Variants in GPCPD1 observed in about 807,000 individuals in gnomAD.
GPCPD1 encodes glycerophosphocholine phosphodiesterase GPCPD1.
In GPCPD1, 29 loss-of-function variants were observed where a neutral mutation model predicts 89.2. The ratio of observed to expected loss-of-function variants is 0.33; its 90% CI spans 0.24 to 0.44. The LOEUF (loss-of-function observed/expected upper bound fraction) is 0.44. Ranked by LOEUF, GPCPD1 falls within the 20% of genes least tolerant of loss-of-function variation. The pLI, the probability that GPCPD1 is intolerant of heterozygous loss-of-function variation, is 1.00. For synonymous variants in GPCPD1, 258 were observed against 266.3 expected (o/e 0.97, Z 0.30); for missense variants, 594 against 808.9 (o/e 0.73, Z 3.22).
rs11571 is a variant in GPCPD1 at position 5,544,989 on chromosome 20, T to A, written c.*2672A>T. The A allele has an allele frequency of 6.6e-6, 1 of 152,050 alleles. No homozygotes were observed. Among genetic ancestry groups the A allele is most frequent in the South Asian group, 2.1e-4 (1 of 4,824 alleles). The allele number at this position is 152,050 out of a possible 1,614,324, so 9.4% of individuals were successfully genotyped here. A position where few individuals can be genotyped will look rare whatever the true frequency, so the allele number is the denominator to read the frequency against. ...ACTTTCCACACAGGGGTGGGTGGTG[T>A]GCCTCACATTTACAGCCGATCATTT... On this transcript the variant is annotated 3_prime_UTR_variant, in exon 20 of 20. Transcript: ENST00000379019.
chr20:5,562,542 G>C (rs1284490817), intron 15 of GPCPD1, among the ~76,000 whole-genome samples: 1 of 152,148 alleles, frequency 6.6e-6, no homozygotes, highest in Non-Finnish European at 1.5e-5. Context: ...TTGGCCTCCA[G>C]AAGTGCTGGG....
At position 5,552,705 on chromosome 20, in the gene GPCPD1, C is replaced by T. The variant is rs1985496815; in HGVS notation, c.1830-4855G>A. On this transcript the variant is annotated intron_variant, in intron 19 of 19. Coordinates refer to ENST00000379019, the MANE Select transcript of GPCPD1 (RefSeq NM_019593.5). The stretch of plus-strand genomic sequence containing the variant: ...TGAAGAGCGCTATGCGTCACTCATG[C>T]TATTTCATGCAAAATTAACCAAATA... Among the ~76,000 whole-genome samples the T allele has an allele frequency of 2.6e-5, 4 of 152,292 alleles. No homozygotes were observed. The Middle Eastern group carries it at 0.01, about 389-fold the overall frequency.
chr20:5,598,306 T>C (rs1474107821), intron 3 of GPCPD1, among the ~76,000 whole-genome samples: 1 of 152,160 alleles, frequency 6.6e-6, no homozygotes, highest in African/African-American at 2.4e-5. Flanking sequence ...CTCAGGAGGC[T>C]GAGGCGCAAG....
At chr20:5,601,071 T>A (rs1397155627) in intron 2 of GPCPD1, among the ~76,000 whole-genome samples, 2 of 151,750 alleles carry the variant, frequency 1.3e-5, no homozygotes, top group African/African-American at 4.8e-5. Context: ...TTCCAGCTAC[T>A]CGGGAGGCTG....
At chr20:5,606,224 G>T (rs1215643639) in intron 1 of GPCPD1, among the ~76,000 whole-genome samples, 1 of 151,876 alleles carries the variant, frequency 6.6e-6, no homozygotes, top group African/African-American at 2.4e-5. Context: ...AATTTAAATG[G>T]AGAAAGAACA....
intron 6 of GPCPD1, among the ~76,000 whole-genome samples, chr20:5,583,164 C>T (rs1240463321): frequency 7.4e-6 from 1 of 134,638 alleles, no homozygotes; most frequent in Non-Finnish European, 1.5e-5. Context: ...GCAGAGAGTG[C>T]GGTGAGCCAA....
intron 6 of GPCPD1, among the ~76,000 whole-genome samples, chr20:5,580,894 GAT>G (rs796668540): frequency 9.5e-4 from 138 of 144,758 alleles, no homozygotes; most frequent in African/African-American, 3.4e-3. Context: ...TTTTTTTTGA[GAT>G]AGAGTCTTGC....
intron 16 of GPCPD1, among the ~76,000 whole-genome samples, chr20:5,560,700 C>T (rs1986034003): frequency 1.3e-5 from 2 of 152,186 alleles, no homozygotes; most frequent in African/African-American, 2.4e-5. Flanking sequence ...TGAGGACCAG[C>T]TTGTCACAAA....
intron 5 of GPCPD1, chr20:5,584,592 G>A (rs1023451595): frequency 1.8e-5 from 4 of 221,782 alleles, no homozygotes; most frequent in Non-Finnish European, 3.6e-5. Flanking sequence ...GTGCTCTAGA[G>A]GCACTGGGAT....
At chr20:5,576,062 G>T in intron 8 of GPCPD1, 84 bp from the exon 9 acceptor site, 2 of 502,054 alleles carry the variant, frequency 4.0e-6, no homozygotes, top group Non-Finnish European at 3.5e-6. Flanking sequence ...CACACACACA[G>T]ACACACACAC....
chr20:5,569,578 A>G (rs1174506111), intron 12 of GPCPD1, among the ~76,000 whole-genome samples: 1 of 151,500 alleles, frequency 6.6e-6, no homozygotes, highest in Non-Finnish European at 1.5e-5. Context: ...TGTAGCCCAC[A>G]TTGCTGCTCG....
intron 6 of GPCPD1, among the ~76,000 whole-genome samples, chr20:5,583,095 A>T (rs1978663056): frequency 6.6e-6 from 1 of 151,726 alleles, no homozygotes; most frequent in Non-Finnish European, 1.5e-5. Flanking sequence ...TTAGCTGGGC[A>T]TGCCTGTAAT....
intron 1 of GPCPD1, 123 bp from the exon 2 acceptor site, chr20:5,604,563 G>A (rs1322281494): frequency 9.6e-6 from 2 of 208,796 alleles, no homozygotes; most frequent in Non-Finnish European, 1.9e-5. Context: ...TGTCTTTGCA[G>A]TTTTATGGTG....
At chr20:5,564,920 C>T in intron 15 of GPCPD1, 97 bp downstream of exon 15, 2 of 726,790 alleles carry the variant, frequency 2.8e-6, no homozygotes, top group Non-Finnish European at 5.0e-6. Context: ...TTGTCTTTAA[C>T]ACAGCCTTTT....
chr20:5,569,275 A>C (rs1442986226), intron 12 of GPCPD1, among the ~76,000 whole-genome samples: 1 of 152,174 alleles, frequency 6.6e-6, no homozygotes, highest in Non-Finnish European at 1.5e-5. Context: ...TCTTTAATAC[A>C]ACAGACAGTA....
At chr20:5,600,207 T>A (rs1244191185) in intron 2 of GPCPD1, among the ~76,000 whole-genome samples, 1 of 152,220 alleles carries the variant, frequency 6.6e-6, no homozygotes, top group East Asian at 1.9e-4. Flanking sequence ...TAGCTTGGAC[T>A]ATCTAAAAAT....
intron 1 of GPCPD1, among the ~76,000 whole-genome samples, chr20:5,607,401 GCCAA>G: frequency 6.6e-6 from 1 of 151,984 alleles, no homozygotes; most frequent in East Asian, 1.9e-4. Flanking sequence ...GACCAGCCTG[GCCAA>G]CATCTCTACT....
intron 4 of GPCPD1, among the ~76,000 whole-genome samples, chr20:5,592,263 A>G (rs537418126): frequency 3.9e-5 from 6 of 152,352 alleles, no homozygotes; most frequent in Non-Finnish European, 8.8e-5. Flanking sequence ...CTTAAGTTAT[A>G]CTAAAGAACT....
At chr20:5,585,361 A>G (rs975154311) in intron 5 of GPCPD1, 2 of 152,094 alleles carry the variant, frequency 1.3e-5, no homozygotes, top group African/African-American at 4.8e-5. Flanking sequence ...AGAAACTCCC[A>G]CTGCTTTCTA....
Sources: allele counts gnomAD v4.1 joint callset (sites outside exome capture counted in the v4.1 genomes callset), GRCh38; gene constraint gnomAD v4.1.1; transcripts MANE v1.5; gene names NCBI Gene and HGNC (gene_info 2026-07-23, HGNC 2026-07-21).